SIPA1L1: variants seen among roughly 807,000 people sequenced by gnomAD.
SIPA1L1 encodes signal-induced proliferation-associated 1-like protein 1.
A neutral mutation model predicts 162.7 loss-of-function variants in SIPA1L1; 26 were observed. The ratio of observed to expected loss-of-function variants is 0.16; its 90% CI spans 0.12 to 0.22. SIPA1L1 has a LOEUF of 0.22. Among genes scored for constraint, SIPA1L1 ranks in the 10% least tolerant of loss-of-function variants. SIPA1L1 has a pLI of 1.00. For synonymous variants in SIPA1L1, 829 were observed against 837.4 expected (o/e 0.99, Z 0.17); for missense variants, 1,874 against 2,241.0 (o/e 0.84, Z 3.31).
chr14:71,713,055 G>A (rs1433825089), intron 17 of SIPA1L1, among the ~76,000 whole-genome samples: 4 of 152,188 alleles, frequency 2.6e-5, no homozygotes, highest in African/African-American at 9.7e-5. Context: ...ACATGCCAAT[G>A]AGCAAATAGG....
chr14:71,448,063 T>G (rs2045548047), intron 2 of SIPA1L1, among the ~76,000 whole-genome samples: 3 of 152,168 alleles, frequency 2.0e-5, no homozygotes, highest in Admixed American at 2.0e-4. Flanking sequence ...AACAGTCCTG[T>G]GAGGAGGGTG....
At chr14:71,601,052 G>A (rs2036687623) in intron 5 of SIPA1L1, among the ~76,000 whole-genome samples, 1 of 151,942 alleles carries the variant, frequency 6.6e-6, no homozygotes, top group Non-Finnish European at 1.5e-5. Context: ...ATAGAGGGAC[G>A]GTTTGACTTC....
intron 2 of SIPA1L1, among the ~76,000 whole-genome samples, chr14:71,371,330 G>T (rs2038870636): frequency 6.6e-6 from 1 of 152,188 alleles, no homozygotes; most frequent in Non-Finnish European, 1.5e-5. Context: ...AAAGATGAAA[G>T]ATTAAAATGG....
chr14:71,715,584 A>G (rs1025700085), intron 17 of SIPA1L1, among the ~76,000 whole-genome samples: 2 of 152,232 alleles, frequency 1.3e-5, no homozygotes, highest in Non-Finnish European at 2.9e-5. Context: ...TGTTCCACCT[A>G]CTAAATGGCT....
chr14:71,396,478 T>C (rs948506422), intron 2 of SIPA1L1, among the ~76,000 whole-genome samples: 2 of 152,202 alleles, frequency 1.3e-5, no homozygotes, highest in Non-Finnish European at 2.9e-5. Context: ...CATTTACCCT[T>C]GTACTTTGAC....
intron 2 of SIPA1L1, among the ~76,000 whole-genome samples, chr14:71,439,253 C>T (rs1214897002): frequency 3.3e-5 from 5 of 152,152 alleles, no homozygotes; most frequent in South Asian, 4.1e-4. Flanking sequence ...GTGCTGCAGA[C>T]AGGAGGGGGA....
chr14:71,667,681 G>A (rs2044148398), intron 10 of SIPA1L1, among the ~76,000 whole-genome samples: 1 of 152,136 alleles, frequency 6.6e-6, no homozygotes, highest in Non-Finnish European at 1.5e-5. Context: ...ATTTTGGGCT[G>A]GGGATTGTTG....
At chr14:71,603,054 G>A (rs909575666) in intron 5 of SIPA1L1, among the ~76,000 whole-genome samples, 5 of 152,262 alleles carry the variant, frequency 3.3e-5, no homozygotes, top group East Asian at 3.9e-4. Flanking sequence ...GTGCAGATAT[G>A]TTTAGAATTG....
chr14:71,587,790 A>G lies in SIPA1L1; in HGVS notation c.-83A>G, dbSNP rs1346367627. 2 of 1,274,354 alleles carry G rather than the reference A, an allele frequency of 1.6e-6. No homozygotes were observed. The highest frequency in any genetic ancestry group is 2.3e-5 in the East Asian group (1 of 42,704). The allele number at this position is 1,274,354 out of a possible 1,614,324, so 78.9% of individuals were successfully genotyped here. On this transcript the variant is annotated 5_prime_UTR_variant, in exon 5 of 24. Coordinates refer to ENST00000381232, the MANE Select transcript of SIPA1L1 (RefSeq NM_001386936.1). ...GCAACTGTTGTATTTTCTGGAAGCC[A>G]TTCTCCAAAAGGGAAGTGCACATTT...
chr14:71,705,986 GGT>G (rs1235528105), intron 16 of SIPA1L1, among the ~76,000 whole-genome samples: 1 of 151,750 alleles, frequency 6.6e-6, no homozygotes, highest in African/African-American at 2.4e-5. Flanking sequence ...TGATTTCCTT[GGT>G]GTGTCTGTTC....
intron 4 of SIPA1L1, among the ~76,000 whole-genome samples, chr14:71,537,698 CTT>C (rs938082111): frequency 6.8e-6 from 1 of 147,312 alleles, no homozygotes; most frequent in African/African-American, 2.5e-5. Context: ...CTCTCTCTCT[CTT>C]TTTTTTTTTC....
Position 71,671,392 on chromosome 14 carries a change from A to G in SIPA1L1, c.2529A>G (p.Glu843=), listed in dbSNP as rs753679330. 5.6e-6 allele frequency: 9 copies of G among 1,614,128 alleles called. No individual in the cohort carries two copies. The highest frequency in any genetic ancestry group is 1.3e-5 in the African/African-American group (1 of 74,942). ...PFISLASKKK[E]KSKPYPGAEL... Reference sequence around the variant, plus strand: ...TCTCTCTGGCTTCCAAGAAGAAGGAAAAGTCTAAGCCATATCCAGGAGCCG... The same window carrying G: ...TCTCTCTGGCTTCCAAGAAGAAGGAGAAGTCTAAGCCATATCCAGGAGCCG... Residue 843 remains glutamate (E), a synonymous_variant, in exon 11 of 24, where the codon GAA becomes GAG. Transcript: ENST00000381232.
rs781351644 is a variant in SIPA1L1 at position 71,556,030 on chromosome 14, G to A, written c.-303+26660G>A. Among the ~76,000 whole-genome samples, 3 of 152,100 alleles carry A rather than the reference G, an allele frequency of 2.0e-5. No individual in the cohort carries two copies. The South Asian group carries it at 6.2e-4, about 32-fold the overall frequency. ...TTACCAAAATGTGACACAGAGACAG[G>A]AAGTGAGCACATGCTGTTGGAAAAA... On this transcript the variant is annotated intron_variant, in intron 4 of 23. Transcript: ENST00000381232.
chr14:71,342,863 T>C (rs1449975467), intron 2 of SIPA1L1, among the ~76,000 whole-genome samples: 1 of 152,236 alleles, frequency 6.6e-6, no homozygotes, highest in Non-Finnish European at 1.5e-5. Context: ...GGTTTTATCT[T>C]AATCTCTCGT....
At chr14:71,381,908 A>C (rs2039936790) in intron 2 of SIPA1L1, among the ~76,000 whole-genome samples, 1 of 152,206 alleles carries the variant, frequency 6.6e-6, no homozygotes, top group Non-Finnish European at 1.5e-5. Context: ...AACTGCATTT[A>C]CAGATTTTAG....
chr14:71,500,181 T>G (rs1190166590), intron 2 of SIPA1L1, among the ~76,000 whole-genome samples: 1 of 151,982 alleles, frequency 6.6e-6, no homozygotes, highest in Non-Finnish European at 1.5e-5. Context: ...AAAATAAAAA[T>G]TAAGAGCAAA....
chr14:71,687,150 A>G (rs909543615), intron 13 of SIPA1L1, among the ~76,000 whole-genome samples: 8 of 152,246 alleles, frequency 5.3e-5, no homozygotes, highest in Non-Finnish European at 7.3e-5. Flanking sequence ...AACCAAAAAC[A>G]TAGTCATCTT....
chr14:71,639,782 C>G (rs561489227), intron 7 of SIPA1L1, among the ~76,000 whole-genome samples: 61 of 152,354 alleles, frequency 4.0e-4, no homozygotes, highest in African/African-American at 1.4e-3. Flanking sequence ...ACAAATATAT[C>G]TAGCTCATTT....
intron 6 of SIPA1L1, 131 bp from the exon 7 acceptor site, chr14:71,623,917 C>G (rs2039706320): frequency 1.5e-6 from 1 of 655,624 alleles, no homozygotes; most frequent in Non-Finnish European, 2.5e-6. Flanking sequence ...TTCTCCCTCA[C>G]TGGCTTTACC....
Sources: gnomAD v4.1 joint callset for allele counts (sites outside exome capture counted in the v4.1 genomes callset) on GRCh38, gnomAD v4.1.1 for gene constraint, MANE v1.5 for transcripts, NCBI Gene and HGNC (gene_info 2026-07-23, HGNC 2026-07-21) for gene names.